The following CDH13 variants were observed in gnomAD, a reference collection of about 807,000 sequenced individuals.
The protein encoded by CDH13 is cadherin-13.
In CDH13, 24 loss-of-function variants were observed where a neutral mutation model predicts 63.8. The observed-to-expected ratio is 0.38, with a 90% CI of 0.27 to 0.53. The LOEUF (loss-of-function observed/expected upper bound fraction) is 0.53. Ranked by LOEUF, CDH13 falls within the 20% of genes least tolerant of loss-of-function variation. The pLI, the probability that CDH13 is intolerant of heterozygous loss-of-function variation, is 0.85. For missense variants in CDH13, 1,049 were observed against 903.1 expected, an observed-to-expected ratio of 1.16 and a Z score of -2.07; for synonymous variants, 503 against 355.3, an observed-to-expected ratio of 1.42 and a Z score of -4.67.
intron 6 of CDH13, among the ~76,000 whole-genome samples, chr16:83,405,150 C>G (rs1308906003): frequency 1.3e-5 from 2 of 151,316 alleles, no homozygotes; most frequent in Non-Finnish European, 2.9e-5. Context: ...AAAAAAAAAT[C>G]TTAACAATTC....
intron 5 of CDH13, among the ~76,000 whole-genome samples, chr16:83,259,760 T>C (rs1243652641): frequency 6.6e-6 from 1 of 152,186 alleles, no homozygotes; most frequent in African/African-American, 2.4e-5. Context: ...TGCTTAAAAC[T>C]GAATGCTGAG....
intron 10 of CDH13, among the ~76,000 whole-genome samples, chr16:83,679,881 G>A (rs577175306): frequency 6.6e-6 from 1 of 152,108 alleles, no homozygotes; most frequent in Non-Finnish European, 1.5e-5. Flanking sequence ...GCCATTGCTG[G>A]GACAACTTGG....
intron 6 of CDH13, among the ~76,000 whole-genome samples, chr16:83,424,720 A>G (rs1200399046): frequency 1.3e-5 from 2 of 152,228 alleles, no homozygotes; most frequent in Non-Finnish European, 2.9e-5. Flanking sequence ...ACATTATTGT[A>G]TAATTTCTGG....
chr16:83,594,690 G>GA (rs1240314783), intron 7 of CDH13, among the ~76,000 whole-genome samples: 23 of 152,194 alleles, frequency 1.5e-4, no homozygotes, highest in South Asian at 6.2e-4. Flanking sequence ...GGGTTAATGG[G>GA]AAAACCTTTT....
chr16:83,182,489 T>C (rs2038376687), intron 4 of CDH13, among the ~76,000 whole-genome samples: 1 of 152,230 alleles, frequency 6.6e-6, no homozygotes, highest in Non-Finnish European at 1.5e-5. Flanking sequence ...GTGTGTTCAC[T>C]TTATGATCTC....
chr16:82,793,299 A>C (rs1417079818), intron 1 of CDH13, among the ~76,000 whole-genome samples: 2 of 152,188 alleles, frequency 1.3e-5, no homozygotes, highest in African/African-American at 4.8e-5. Context: ...ATGGGGAGAA[A>C]AGGCAATAAA....
At chr16:83,474,870 G>A (rs969154823) in intron 6 of CDH13, among the ~76,000 whole-genome samples, 1 of 152,204 alleles carries the variant, frequency 6.6e-6, no homozygotes, top group Non-Finnish European at 1.5e-5. Flanking sequence ...TCACCCCATA[G>A]GGAAACAACC....
intron 3 of CDH13, among the ~76,000 whole-genome samples, chr16:83,114,823 C>G (rs980524572): frequency 6.6e-6 from 1 of 152,200 alleles, no homozygotes; most frequent in Non-Finnish European, 1.5e-5. Flanking sequence ...TCAAAGCTGG[C>G]TGAACCATGT....
chr16:82,966,905 C>G (rs1036714346), intron 2 of CDH13, among the ~76,000 whole-genome samples: 5 of 152,230 alleles, frequency 3.3e-5, no homozygotes, highest in Non-Finnish European at 7.4e-5. Context: ...ATTATCTAAT[C>G]AACACACTTA....
chr16:82,882,665 T>C (rs771642295), intron 2 of CDH13, among the ~76,000 whole-genome samples: 12 of 152,154 alleles, frequency 7.9e-5, no homozygotes, highest in Non-Finnish European at 1.6e-4. Context: ...GTTCTCCCTT[T>C]TTCCCTCTCT....
intron 1 of CDH13, among the ~76,000 whole-genome samples, chr16:82,740,272 C>T (rs2033869393): frequency 6.6e-6 from 1 of 152,168 alleles, no homozygotes. Context: ...TACTTTAATT[C>T]TGGATGGAAA....
chr16:82,868,169 A>G (rs1250148540), intron 2 of CDH13, among the ~76,000 whole-genome samples: 1 of 152,202 alleles, frequency 6.6e-6, no homozygotes, highest in Non-Finnish European at 1.5e-5. Flanking sequence ...ATCTGTTGCG[A>G]TGTGCCAAGG....
intron 10 of CDH13, chr16:83,735,530 C>T (rs1244427206): frequency 6.6e-6 from 1 of 152,180 alleles, no homozygotes; most frequent in African/African-American, 2.4e-5. Flanking sequence ...ATCAACATCT[C>T]CCCCTTCTTC....
chr16:83,086,847 A>T (rs1270496955), intron 3 of CDH13, among the ~76,000 whole-genome samples: 1 of 152,212 alleles, frequency 6.6e-6, no homozygotes, highest in Admixed American at 6.5e-5. Flanking sequence ...TGCTGGCATC[A>T]TGAAAAACCA....
chr16:83,366,558 C>T (rs1253188451), intron 6 of CDH13, among the ~76,000 whole-genome samples: 1 of 152,180 alleles, frequency 6.6e-6, no homozygotes. Flanking sequence ...AGAACGACAT[C>T]ATCCCTGCGA....
rs183216911 is a variant in CDH13 at position 83,153,504 on chromosome 16, C to T, written c.483+28003C>T. ...CCCCAGGCAAGAAAGAGGTTTGTTTCGGGAAAGGGCTGTTATCACCTTTGT... is the reference window on the plus strand; with the variant it reads ...CCCCAGGCAAGAAAGAGGTTTGTTTTGGGAAAGGGCTGTTATCACCTTTGT... On this transcript the variant is annotated intron_variant, in intron 4 of 13. Coordinates refer to ENST00000567109, the MANE Select transcript of CDH13 (RefSeq NM_001257.5). 1.1e-3 allele frequency among the ~76,000 whole-genome samples: 171 copies of T among 152,190 alleles called. 1 individual carries two copies. The highest frequency in any genetic ancestry group is 1.4e-3 in the Non-Finnish European group (94 of 67,990).
intron 3 of CDH13, among the ~76,000 whole-genome samples, chr16:83,083,612 A>T (rs2033402513): frequency 6.6e-6 from 1 of 152,212 alleles, no homozygotes; most frequent in South Asian, 2.1e-4. Flanking sequence ...GCCTTCCAAT[A>T]ACATGAAATA....
chr16:82,628,378 G>T (rs1469080010), intron 1 of CDH13, among the ~76,000 whole-genome samples: 1 of 152,192 alleles, frequency 6.6e-6, no homozygotes, highest in Admixed American at 6.5e-5. Flanking sequence ...GCGGGTGAAA[G>T]GCAGGGGAAG....
chr16:83,447,719 A>G (rs1021939549), intron 6 of CDH13, among the ~76,000 whole-genome samples: 2 of 150,058 alleles, frequency 1.3e-5, no homozygotes, highest in African/African-American at 2.4e-5. Flanking sequence ...AGAGATAATC[A>G]TTTTTTTAAA....
Sources: allele counts gnomAD v4.1 joint callset (sites outside exome capture counted in the v4.1 genomes callset), GRCh38; gene constraint gnomAD v4.1.1; transcripts MANE v1.5; gene names NCBI Gene and HGNC (gene_info 2026-07-23, HGNC 2026-07-21).